The following GIGYF2 variants were observed in gnomAD, a reference collection of about 807,000 sequenced individuals.
The protein encoded by GIGYF2 is GRB10 interacting GYF protein 2.
In GIGYF2, 25 loss-of-function variants were observed where a neutral mutation model predicts 208.1. That is an observed-to-expected ratio of 0.12 (90% CI 0.09 to 0.17). The LOEUF is 0.17. GIGYF2 is among the 10% of genes least tolerant of loss of function. The pLI is 1.00. For synonymous variants in GIGYF2, 534 were observed against 543.8 expected, an observed-to-expected ratio of 0.98 and a Z score of 0.25; for missense variants, 1,302 against 1,579.4, an observed-to-expected ratio of 0.82 and a Z score of 2.98.
At chr2:232,750,596 C>T (rs1408327629) in intron 5 of GIGYF2, among the ~76,000 whole-genome samples, 1 of 152,074 alleles carries the variant, frequency 6.6e-6, no homozygotes, top group Non-Finnish European at 1.5e-5. Flanking sequence ...CATTTCTTTG[C>T]CTGTAGCAGT....
chr2:232,774,377 A>G (rs1699421734), intron 8 of GIGYF2, among the ~76,000 whole-genome samples: 1 of 152,180 alleles, frequency 6.6e-6, no homozygotes, highest in Admixed American at 6.6e-5. Flanking sequence ...GTTAGGAAAG[A>G]CTTCTTTCAA....
At position 232,858,890 on chromosome 2, in the gene GIGYF2, G is replaced by A. The variant is rs115669549; in HGVS notation, c.*2030G>A. ...GTGGATCAGCTCCTGCCCTCATACC[G>A]CAGACACACCCACTCTGAACACACC... On this transcript the variant is annotated 3_prime_UTR_variant, in exon 29 of 29. Transcript: ENST00000373563. 3,740 of 235,410 alleles carry A rather than the reference G, an allele frequency of 0.016. 52 individuals carry two copies. The highest frequency in any genetic ancestry group is 0.027 in the South Asian group (443 of 16,678). 14.6% of individuals were successfully genotyped at this position (235,410 alleles called of 1,614,324 possible). A position where few individuals can be genotyped will look rare whatever the true frequency, so the allele number is the denominator to read the frequency against.
intron 2 of GIGYF2, among the ~76,000 whole-genome samples, chr2:232,733,336 T>TG (rs1305793070): frequency 6.7e-6 from 1 of 148,918 alleles, no homozygotes; most frequent in African/African-American, 2.5e-5. Flanking sequence ...TTTTGTGTGG[T>TG]GGGGGAGCAG....
chr2:232,833,164 C>A, intron 22 of GIGYF2, 71 bp downstream of exon 22: 2 of 890,942 alleles, frequency 2.2e-6, no homozygotes, highest in South Asian at 1.4e-5. Context: ...CTGGCTGTAC[C>A]AGTAGCAGTA....
chr2:232,716,893 C>T (rs1163791984), intron 2 of GIGYF2, among the ~76,000 whole-genome samples: 1 of 151,958 alleles, frequency 6.6e-6, no homozygotes, highest in African/African-American at 2.4e-5. Context: ...GCTGCCTCAA[C>T]CTCCTGGGCT....
intron 22 of GIGYF2, among the ~76,000 whole-genome samples, chr2:232,837,883 G>A (rs1170705170): frequency 3.9e-5 from 6 of 152,194 alleles, no homozygotes; most frequent in Admixed American, 1.3e-4. Context: ...AACCAGTGTT[G>A]AAATGTAAGG....
intron 2 of GIGYF2, chr2:232,722,419 G>GC (rs931984024): frequency 4.6e-5 from 7 of 151,990 alleles, no homozygotes; most frequent in Non-Finnish European, 8.8e-5. Flanking sequence ...GGGGGAAACC[G>GC]CCCCCATGAT....
At position 232,845,797 on chromosome 2, in the gene GIGYF2, T is replaced by G. The variant is rs1464103208; in HGVS notation, c.3371T>G (p.Leu1124Arg). The G allele has an allele frequency of 1.2e-6, 2 of 1,613,012 alleles. No individual in the cohort carries two copies. Among genetic ancestry groups the G allele is most frequent in the Non-Finnish European group, 1.7e-6 (2 of 1,179,090 alleles). Reference sequence around the variant, plus strand: ...GAAGAAGAAGAAAAGTTGCTGAAGCTCTTTCAGGGAGTAAATAAAGCCCAA... The same window carrying G: ...GAAGAAGAAGAAAAGTTGCTGAAGCGCTTTCAGGGAGTAAATAAAGCCCAA... ...KVEEEEKLLK[L>R]FQGVNKAQDG... Residue 1124 changes from leucine (L) to arginine (R), a missense_variant, in exon 26 of 29, where the codon CTC becomes CGC. By Grantham distance (102) the Leu-to-Arg change is moderately radical. Around this residue, in one of 8 missense-constraint regions of GIGYF2, gnomAD observed 701 missense variants for 793.0 expected, o/e 0.88. Coordinates refer to ENST00000373563, the MANE Select transcript of GIGYF2 (RefSeq NM_001103146.3).
At chr2:232,736,608 A>T (rs1432844335) in intron 3 of GIGYF2, 2 of 152,196 alleles carry the variant, frequency 1.3e-5, no homozygotes, top group Non-Finnish European at 2.9e-5. Flanking sequence ...GACATATAGA[A>T]GCTGTTCTTG....
At chr2:232,824,077 T>A (rs893753259) in intron 21 of GIGYF2, among the ~76,000 whole-genome samples, 1 of 152,240 alleles carries the variant, frequency 6.6e-6, no homozygotes, top group Non-Finnish European at 1.5e-5. Context: ...AATCCATACC[T>A]ATAGTGCATG....
intron 8 of GIGYF2, among the ~76,000 whole-genome samples, chr2:232,768,992 G>T (rs1699103183): frequency 1.3e-5 from 2 of 152,154 alleles, no homozygotes; most frequent in South Asian, 2.1e-4. Flanking sequence ...ATTTTTCAAA[G>T]TACATTTCTG....
At chr2:232,739,113 C>T (rs186211625) in intron 3 of GIGYF2, among the ~76,000 whole-genome samples, 202 of 150,576 alleles carry the variant, frequency 1.3e-3, no homozygotes, top group Admixed American at 3.0e-3. Flanking sequence ...AATCCCAGCA[C>T]TTTGGGAGGC....
intron 8 of GIGYF2, chr2:232,767,879 C>T: frequency 3.0e-6 from 1 of 332,228 alleles, no homozygotes; most frequent in South Asian, 3.1e-5. Context: ...TTGTGTTAAA[C>T]TTCACTGTCC....
chr2:232,760,450 T>C (rs1431643559), intron 6 of GIGYF2, 30 bp from the exon 7 acceptor site: 5 of 1,392,452 alleles, frequency 3.6e-6, no homozygotes, highest in Admixed American at 3.4e-5. Flanking sequence ...GACATCTGAC[T>C]ATCATTTTTT....
At chr2:232,788,361 T>C (rs1256040089) in intron 9 of GIGYF2, 1 of 213,886 alleles carries the variant, frequency 4.7e-6, no homozygotes, top group Admixed American at 5.3e-5. Flanking sequence ...CTTGGGTGGG[T>C]TTTCTGTCAT....
intron 20 of GIGYF2, 110 bp downstream of exon 20, chr2:232,817,142 A>G: frequency 1.1e-6 from 1 of 873,928 alleles, no homozygotes; most frequent in Non-Finnish European, 2.0e-6. Flanking sequence ...TTGGGGTTAG[A>G]ACCTTAGAAG....
intron 17 of GIGYF2, 78 bp from the exon 18 acceptor site, chr2:232,812,313 C>G (rs1322102656): frequency 5.5e-6 from 4 of 728,674 alleles, no homozygotes; most frequent in African/African-American, 1.8e-5. Flanking sequence ...ACCTGCTAAT[C>G]TAGAAATTCC....
chr2:232,737,655 G>A (rs1212049776), intron 3 of GIGYF2, among the ~76,000 whole-genome samples: 4 of 152,118 alleles, frequency 2.6e-5, no homozygotes, highest in African/African-American at 7.2e-5. Flanking sequence ...GTAAAGAGCT[G>A]TGCCCAGGGT....
At chr2:232,788,378 G>A in intron 9 of GIGYF2, 2 of 222,528 alleles carry the variant, frequency 9.0e-6, no homozygotes, top group Non-Finnish European at 9.8e-6. Flanking sequence ...TCATTAGTGG[G>A]CATTGTTTAC....
Sources: gnomAD v4.1 joint callset for allele counts (sites outside exome capture counted in the v4.1 genomes callset) on GRCh38, gnomAD v4.1.1 for gene constraint, gnomAD v4.1.1 regional missense constraint, MANE v1.5 for transcripts, NCBI Gene and HGNC (gene_info 2026-07-23, HGNC 2026-07-21) for gene names.